Variants in MSI2 observed in about 807,000 individuals in gnomAD.
MSI2 encodes the protein RNA-binding protein Musashi homolog 2.
A neutral mutation model predicts 45.6 loss-of-function variants in MSI2; 17 were observed. The observed-to-expected ratio is 0.37, with a 90% CI of 0.26 to 0.56. The LOEUF is 0.56. MSI2 is among the 20% of genes least tolerant of loss of function. The pLI, the probability that MSI2 is intolerant of heterozygous loss-of-function variation, is 0.77. For synonymous variants in MSI2, 156 were observed against 158.2 expected, an observed-to-expected ratio of 0.99 and a Z score of 0.11; for missense variants, 293 against 444.2, an observed-to-expected ratio of 0.66 and a Z score of 3.06.
intron 5 of MSI2, among the ~76,000 whole-genome samples, chr17:57,298,330 T>C (rs1911159023): frequency 6.6e-6 from 1 of 152,236 alleles, no homozygotes; most frequent in Non-Finnish European, 1.5e-5. Context: ...CAGTGAGCTG[T>C]AATGTTTTGA....
intron 5 of MSI2, among the ~76,000 whole-genome samples, chr17:57,388,555 A>G (rs749275848): frequency 6.6e-6 from 1 of 152,206 alleles, no homozygotes; most frequent in Non-Finnish European, 1.5e-5. Context: ...ACTGCTGTCC[A>G]GGTGTCTTGC....
chr17:57,653,533 T>A (rs1429363499), intron 11 of MSI2, among the ~76,000 whole-genome samples: 1 of 152,214 alleles, frequency 6.6e-6, no homozygotes, highest in Non-Finnish European at 1.5e-5. Flanking sequence ...CGTGTCTCCC[T>A]GTGCCATTTG....
chr17:57,532,519 G>GA (rs887756682), intron 7 of MSI2, among the ~76,000 whole-genome samples: 1 of 152,078 alleles, frequency 6.6e-6, no homozygotes, highest in Non-Finnish European at 1.5e-5. Flanking sequence ...TGAAGAGAGT[G>GA]AAAAAAAATT....
At chr17:57,694,204 T>C in the MSI2 span, among the ~76,000 whole-genome samples, 1 of 152,226 alleles carries the variant, frequency 6.6e-6, no homozygotes, top group African/African-American at 2.4e-5. Context: ...GGTGGTTGAG[T>C]CAATCTAGTC....
intron 6 of MSI2, among the ~76,000 whole-genome samples, chr17:57,506,643 C>T (rs902751739): frequency 2.0e-5 from 3 of 152,128 alleles, no homozygotes; most frequent in African/African-American, 7.2e-5. Flanking sequence ...TCGGGGGAGG[C>T]CATGGGAGTG....
At chr17:57,526,359 GTGTGT>G (rs1567877869) in intron 6 of MSI2, among the ~76,000 whole-genome samples, 12 of 66,932 alleles carry the variant, frequency 1.8e-4, no homozygotes, top group African/African-American at 3.5e-4. Context: ...ATACCTGGGT[GTGTGT>G]GTGTGTGTGT....
intron 5 of MSI2, among the ~76,000 whole-genome samples, chr17:57,275,735 G>A (rs1391780576): frequency 2.0e-5 from 3 of 152,154 alleles, no homozygotes; most frequent in African/African-American, 4.8e-5. Flanking sequence ...TGTAGAGGAC[G>A]GAAAGGGAAG....
chr17:57,642,779 G>T (rs1457073324), intron 10 of MSI2, among the ~76,000 whole-genome samples: 1 of 152,236 alleles, frequency 6.6e-6, no homozygotes, highest in Non-Finnish European at 1.5e-5. Context: ...ACAGGGCTGA[G>T]AATGGGTCTT....
At chr17:57,533,153 G>T (rs1193461346) in intron 7 of MSI2, among the ~76,000 whole-genome samples, 1 of 152,092 alleles carries the variant, frequency 6.6e-6, no homozygotes, top group Non-Finnish European at 1.5e-5. Flanking sequence ...TCTCTGTTGG[G>T]GCAGGGATGC....
chr17:57,663,841 G>GA (rs1226399298), intron 11 of MSI2, among the ~76,000 whole-genome samples: 2 of 152,176 alleles, frequency 1.3e-5, no homozygotes, highest in Non-Finnish European at 2.9e-5. Flanking sequence ...TTCAGGCTTG[G>GA]AAATGATCTG....
At chr17:57,530,099 T>C (rs1198124188) in intron 7 of MSI2, among the ~76,000 whole-genome samples, 1 of 152,090 alleles carries the variant, frequency 6.6e-6, no homozygotes, top group Non-Finnish European at 1.5e-5. Flanking sequence ...TTGAAGGAGG[T>C]TCTTTAGGAG....
intron 7 of MSI2, among the ~76,000 whole-genome samples, chr17:57,574,129 T>A (rs1567909067): frequency 6.6e-6 from 1 of 152,072 alleles, no homozygotes; most frequent in Non-Finnish European, 1.5e-5. Context: ...CCTGCACATC[T>A]GTGTCTCCCC....
chr17:57,487,405 A>G (rs924796229), intron 6 of MSI2, among the ~76,000 whole-genome samples: 3 of 151,968 alleles, frequency 2.0e-5, no homozygotes, highest in African/African-American at 7.3e-5. Context: ...CAGTCTTTCT[A>G]TTGCACCCAA....
rs138790258 is a variant in MSI2 at position 57,346,827 on chromosome 17, A to C, written c.313-54552A>C. 2.3e-3 allele frequency among the ~76,000 whole-genome samples: 348 copies of C among 152,200 alleles called. 3 individuals carry two copies. Among genetic ancestry groups the C allele is most frequent in the African/African-American group, 7.7e-3 (319 of 41,522 alleles). ...TTGCCATGTTGTCCAGGCTGGTCTC[A>C]AACTCCTGAGCTCAAGCAATCTGCC... On this transcript the variant is annotated intron_variant, in intron 5 of 13. Transcript: ENST00000284073.
In MSI2 at chr17:57,676,794, C is replaced by T. The variant is rs568663744; in HGVS notation, c.946-193C>T. On this transcript the variant is annotated intron_variant, in intron 12 of 13. Coordinates refer to ENST00000284073, the MANE Select transcript of MSI2 (RefSeq NM_138962.4). The stretch of plus-strand genomic sequence containing the variant: ...GGTAAGCAGATAGGCTTGGTAGGGG[C>T]GGAGGGAGTGGGGACTAGGGATTTG... 2.2e-3 allele frequency among the ~76,000 whole-genome samples: 342 copies of T among 152,198 alleles called. 1 individual carries two copies. The highest frequency in any genetic ancestry group is 7.7e-3 in the African/African-American group (319 of 41,536).
intron 6 of MSI2, among the ~76,000 whole-genome samples, chr17:57,513,492 A>G (rs1165872950): frequency 6.6e-6 from 1 of 152,196 alleles, no homozygotes; most frequent in Admixed American, 6.5e-5. Flanking sequence ...GTGCCCTAGC[A>G]GGCACTGTTT....
At chr17:57,279,162 C>T (rs891310273) in intron 5 of MSI2, 6 of 152,190 alleles carry the variant, frequency 3.9e-5, no homozygotes, top group African/African-American at 4.8e-5. Flanking sequence ...CACATGAGGT[C>T]GCTCGGCATG....
chr17:57,437,422 G>A (rs1255177755), intron 6 of MSI2, among the ~76,000 whole-genome samples: 1 of 152,176 alleles, frequency 6.6e-6, no homozygotes, highest in African/African-American at 2.4e-5. Context: ...TCCAATTGAA[G>A]GAGGGACTTG....
At chr17:57,296,762 A>G (rs775301185) in intron 5 of MSI2, among the ~76,000 whole-genome samples, 37 of 152,238 alleles carry the variant, frequency 2.4e-4, no homozygotes, top group Non-Finnish European at 3.8e-4. Context: ...AGTTTGATCA[A>G]TGCATCGTGG....
Sources: allele counts gnomAD v4.1 joint callset (sites outside exome capture counted in the v4.1 genomes callset), GRCh38; gene constraint gnomAD v4.1.1; transcripts MANE v1.5; gene names NCBI Gene and HGNC (gene_info 2026-07-23, HGNC 2026-07-21).